The following FHIP1A variants were observed in gnomAD, a reference collection of about 807,000 sequenced individuals.
FHIP1A encodes FHF complex subunit HOOK-interacting protein 1A.
Under a neutral mutation model 88.6 loss-of-function variants are expected in FHIP1A, and 61 were observed. The observed-to-expected ratio is 0.69, with a 90% CI of 0.56 to 0.85. FHIP1A has a LOEUF of 0.85. Ranked by LOEUF, FHIP1A falls within the 40% of genes least tolerant of loss-of-function variation. FHIP1A has a pLI of 0.00. For synonymous variants in FHIP1A, 478 were observed against 496.0 expected (o/e 0.96, Z 0.48); for missense variants, 1,154 against 1,273.5 (o/e 0.91, Z 1.43).
intron 7 of FHIP1A, among the ~76,000 whole-genome samples, chr4:151,609,981 T>G (rs1382530410): frequency 6.6e-6 from 1 of 152,240 alleles, no homozygotes; most frequent in Non-Finnish European, 1.5e-5. Context: ...GCACATTTAT[T>G]CATTGACATG....
intron 2 of FHIP1A, among the ~76,000 whole-genome samples, chr4:151,475,806 A>G (rs1465325521): frequency 2.0e-5 from 3 of 152,200 alleles, no homozygotes; most frequent in Non-Finnish European, 4.4e-5. Flanking sequence ...ATAAATAGAA[A>G]AAAGTCATCT....
chr4:151,566,529 C>T (rs1348594968), intron 4 of FHIP1A, among the ~76,000 whole-genome samples, 165 bp downstream of exon 4: 1 of 152,110 alleles, frequency 6.6e-6, no homozygotes, highest in Non-Finnish European at 1.5e-5. Context: ...TTCTTGCTTT[C>T]CTAGAATAGG....
intron 3 of FHIP1A, among the ~76,000 whole-genome samples, chr4:151,511,935 G>GGA (rs1489577841): frequency 6.6e-6 from 1 of 152,214 alleles, no homozygotes; most frequent in African/African-American, 2.4e-5. Context: ...AGAGAGCAGT[G>GGA]GTTCTCCCAG....
intron 7 of FHIP1A, among the ~76,000 whole-genome samples, chr4:151,609,634 T>C (rs1180437125): frequency 1.3e-5 from 2 of 152,198 alleles, no homozygotes; most frequent in African/African-American, 4.8e-5. Context: ...GTTTCCAGTG[T>C]AGTTAAGCAC....
chr4:151,605,492 TCA>T (rs899223995), intron 7 of FHIP1A, among the ~76,000 whole-genome samples: 2 of 152,198 alleles, frequency 1.3e-5, no homozygotes, highest in African/African-American at 4.8e-5. Flanking sequence ...CAGCTGTGTT[TCA>T]TTCAACAAAT....
intron 3 of FHIP1A, among the ~76,000 whole-genome samples, chr4:151,526,669 C>T (rs1175775277): frequency 6.6e-6 from 1 of 151,446 alleles, no homozygotes; most frequent in Non-Finnish European, 1.5e-5. Flanking sequence ...GGGCTGACCC[C>T]CCCTCCTCCC....
At chr4:151,445,547 G>A (rs1728567685) in intron 1 of FHIP1A, among the ~76,000 whole-genome samples, 1 of 151,864 alleles carries the variant, frequency 6.6e-6, no homozygotes, top group Non-Finnish European at 1.5e-5. Flanking sequence ...CTATCCTCCA[G>A]GAGTCACCTC....
At chr4:151,588,312 T>G (rs958051758) in intron 6 of FHIP1A, among the ~76,000 whole-genome samples, 1 of 152,146 alleles carries the variant, frequency 6.6e-6, no homozygotes, top group Non-Finnish European at 1.5e-5. Flanking sequence ...TAAATGCCTT[T>G]TCTTTAATAT....
chr4:151,634,545 T>A (rs1736277322), intron 8 of FHIP1A, among the ~76,000 whole-genome samples: 1 of 151,746 alleles, frequency 6.6e-6, no homozygotes. Context: ...AGTGTGGGAC[T>A]AGCATAAAGA....
At chr4:151,560,167 A>G (rs963475474) in intron 3 of FHIP1A, among the ~76,000 whole-genome samples, 19 of 152,216 alleles carry the variant, frequency 1.2e-4, no homozygotes, top group African/African-American at 4.1e-4. Flanking sequence ...TACACTTAGT[A>G]CTTTTATATC....
At chr4:151,531,970 C>A (rs1318539942) in intron 3 of FHIP1A, among the ~76,000 whole-genome samples, 1 of 152,080 alleles carries the variant, frequency 6.6e-6, no homozygotes, top group Admixed American at 6.5e-5. Context: ...AAGAAAGTTA[C>A]AAAATAAAAA....
chr4:151,491,034 A>G (rs1730264145), intron 3 of FHIP1A, among the ~76,000 whole-genome samples: 1 of 152,088 alleles, frequency 6.6e-6, no homozygotes, highest in Admixed American at 6.5e-5. Flanking sequence ...ATTCCTAAGG[A>G]AGAAGAAAAA....
intron 10 of FHIP1A, among the ~76,000 whole-genome samples, chr4:151,647,202 T>A (rs1365157318): frequency 6.6e-6 from 1 of 152,216 alleles, no homozygotes; most frequent in Admixed American, 6.5e-5. Context: ...CAAAATTGCA[T>A]GCATTTGATT....
intron 4 of FHIP1A, among the ~76,000 whole-genome samples, chr4:151,573,430 G>A (rs1283589365): frequency 6.6e-6 from 1 of 152,182 alleles, no homozygotes; most frequent in Non-Finnish European, 1.5e-5. Flanking sequence ...TTTATAAGGT[G>A]TTGAGGTGTT....
At chr4:151,604,870 T>C (rs1167601282) in intron 7 of FHIP1A, among the ~76,000 whole-genome samples, 1 of 151,548 alleles carries the variant, frequency 6.6e-6, no homozygotes, top group African/African-American at 2.4e-5. Context: ...ATACTAATAA[T>C]AATAATAAAT....
intron 1 of FHIP1A, among the ~76,000 whole-genome samples, chr4:151,424,127 AG>A (rs1211866995): frequency 6.6e-6 from 1 of 152,142 alleles, no homozygotes; most frequent in Non-Finnish European, 1.5e-5. Context: ...GGCTGCAGCA[AG>A]CCAGAGATCA....
chr4:151,661,882 A>G (rs996359250), intron 13 of FHIP1A, among the ~76,000 whole-genome samples: 4 of 152,174 alleles, frequency 2.6e-5, no homozygotes, highest in East Asian at 1.9e-4. Context: ...CCAGCACCCA[A>G]CTTCCTTCCC....
chr4:151,518,769 C>T (rs1731347421), intron 3 of FHIP1A, among the ~76,000 whole-genome samples: 1 of 151,570 alleles, frequency 6.6e-6, no homozygotes, highest in South Asian at 2.1e-4. Context: ...AAGTGATCCT[C>T]ATACCTTAGC....
chr4:151,586,887 T>G, intron 6 of FHIP1A, 88 bp downstream of exon 6: 1 of 1,024,356 alleles, frequency 9.8e-7, no homozygotes, highest in Admixed American at 2.9e-5. Context: ...CGTTCATTTT[T>G]TAAAATGTTA....
Sources: gnomAD v4.1 joint callset for allele counts (sites outside exome capture counted in the v4.1 genomes callset) on GRCh38, gnomAD v4.1.1 for gene constraint, MANE v1.5 for transcripts, NCBI Gene and HGNC (gene_info 2026-07-23, HGNC 2026-07-21) for gene names.